Variants in NAPA observed in about 807,000 individuals in gnomAD.
The protein encoded by NAPA is alpha-soluble NSF attachment protein.
In NAPA, 18 loss-of-function variants were observed where a neutral mutation model predicts 48.0. That is an observed-to-expected ratio of 0.38 (90% CI 0.26 to 0.56). The LOEUF (loss-of-function observed/expected upper bound fraction) is 0.56, where lower values mean the gene tolerates loss of function less well. NAPA is among the 20% of genes least tolerant of loss of function. NAPA has a pLI of 0.77. For synonymous variants in NAPA, 152 were observed against 149.9 expected, an observed-to-expected ratio of 1.01 and a Z score of -0.10; for missense variants, 315 against 385.0, an observed-to-expected ratio of 0.82 and a Z score of 1.52.
chr19:47,487,802 C>T lies in NAPA; in HGVS notation c.*486G>A, dbSNP rs2122715161. On this transcript the variant is annotated 3_prime_UTR_variant, in exon 11 of 11. Coordinates refer to ENST00000263354, the MANE Select transcript of NAPA (RefSeq NM_003827.4). ...CCTGAGAGGTCGGGGCTGCAGGAAGCTGGGGGAGGCTCCCGGGGCTGGGGG... is the reference window on the plus strand; with the variant it reads ...CCTGAGAGGTCGGGGCTGCAGGAAGTTGGGGGAGGCTCCCGGGGCTGGGGG... 1 of 151,212 alleles carries T rather than the reference C, an allele frequency of 6.6e-6. No homozygotes were observed. Among genetic ancestry groups the T allele is most frequent in the Admixed American group, 6.6e-5 (1 of 15,154 alleles). The allele number at this position is 151,212 out of a possible 1,614,324, so 9.4% of individuals were successfully genotyped here.
chr19:47,488,538 AG>A (rs1968144191), intron 10 of NAPA, 149 bp from the exon 11 acceptor site: 1 of 550,280 alleles, frequency 1.8e-6, no homozygotes, highest in African/African-American at 1.9e-5. Flanking sequence ...GCCCCAACTC[AG>A]CCATGGGAGC....
At chr19:47,508,553 T>G (rs1319339183) in intron 1 of NAPA, among the ~76,000 whole-genome samples, 1 of 152,210 alleles carries the variant, frequency 6.6e-6, no homozygotes, top group Non-Finnish European at 1.5e-5. Flanking sequence ...GTGACATGCC[T>G]GTCTGGGCAA....
chr19:47,512,730 T>G lies in NAPA; in HGVS notation c.98+2113A>C, dbSNP rs1192021690. On this transcript the variant is annotated intron_variant, in intron 1 of 10. Transcript: ENST00000263354. ...TTTTTCACCTAATCAATCCAGTCCA[T>G]CAGCCCCGGATGTTTCTCCACACCA... The G allele has an allele frequency of 2.0e-5, 3 of 152,394 alleles. No individual in the cohort carries two copies. The East Asian group carries it at 5.8e-4, about 29-fold the overall frequency. The allele number at this position is 152,394 out of a possible 1,614,324, so 9.4% of individuals were successfully genotyped here. A position where few individuals can be genotyped will look rare whatever the true frequency, so the allele number is the denominator to read the frequency against.
chr19:47,493,222 A>G lies in NAPA; in HGVS notation c.421-48T>C, dbSNP rs1346263995. 2.6e-6 allele frequency: 4 copies of G among 1,548,974 alleles called. No individual in the cohort carries two copies. In the Admixed American group the frequency reaches 7.1e-5, roughly 27 times the overall value. Reference sequence around the variant, plus strand: ...TTCCAGGGGAGGGCAGGGAAGGGAGAGGAGGCCTCCGTGAAGCTTCCACAC... The same window carrying G: ...TTCCAGGGGAGGGCAGGGAAGGGAGGGGAGGCCTCCGTGAAGCTTCCACAC... On this transcript the variant is annotated intron_variant, in intron 5 of 10. Coordinates refer to ENST00000263354, the MANE Select transcript of NAPA (RefSeq NM_003827.4). The surrounding 1 kb of genome is among the most constrained non-coding windows in gnomAD (Gnocchi z 6.4).
intron 3 of NAPA, among the ~76,000 whole-genome samples, chr19:47,498,023 A>G (rs1199952170): frequency 6.6e-6 from 1 of 152,172 alleles, no homozygotes; most frequent in East Asian, 1.9e-4. Flanking sequence ...AATAACACAT[A>G]TGAGCATCAC....
At chr19:47,484,806 G>T (rs1182302941), downstream of NAPA, among the ~76,000 whole-genome samples, 1 of 150,296 alleles carries the variant, frequency 6.7e-6, no homozygotes, top group Non-Finnish European at 1.5e-5. Flanking sequence ...CTGGGTTCAA[G>T]CGATTCTCCT....
chr19:47,509,144 A>G (rs1280113389), intron 1 of NAPA, among the ~76,000 whole-genome samples: 9 of 152,132 alleles, frequency 5.9e-5, no homozygotes, highest in Admixed American at 5.9e-4. Flanking sequence ...TGTGAGGATT[A>G]GAAATGACAC....
chr19:47,500,350 C>T (rs994744309), intron 3 of NAPA, among the ~76,000 whole-genome samples: 2 of 152,206 alleles, frequency 1.3e-5, no homozygotes, highest in Non-Finnish European at 2.9e-5. Flanking sequence ...AATGGAACTC[C>T]CACTCCCAAA....
At position 47,495,586 on chromosome 19, in the gene NAPA, G is replaced by C; in HGVS notation, c.306C>G (p.Asn102Lys). The stretch of plus-strand genomic sequence containing the variant: ...AGATCTCGATTGCTCGCATCAAACA[G>C]TTAATGGCCTCTGGAGAGAAAGGGA... ...FKKADPQEAINCLMRAIEIYT... is the reference protein window; with the variant it reads ...FKKADPQEAIKCLMRAIEIYT... Residue 102 changes from asparagine to lysine, a missense_variant, in exon 4 of 11, where the codon AAC becomes AAG. Physicochemically the swap from Asn to Lys is moderately conservative, Grantham distance 94 (BLOSUM62 0). Transcript: ENST00000263354. 1 of 1,370,074 alleles carries C rather than the reference G, an allele frequency of 7.3e-7. No individual in the cohort carries two copies. Among genetic ancestry groups the C allele is most frequent in the South Asian group, 1.9e-5 (1 of 51,318 alleles). 84.9% of individuals were successfully genotyped at this position (1,370,074 alleles called of 1,614,324 possible).
At chr19:47,514,601 G>C (rs1298293233) in intron 1 of NAPA, among the ~76,000 whole-genome samples, 1 of 152,106 alleles carries the variant, frequency 6.6e-6, no homozygotes, top group Non-Finnish European at 1.5e-5. Flanking sequence ...CTCGGTCCGT[G>C]TGTCCTCAGC....
At chr19:47,500,442 G>A (rs567035866) in intron 3 of NAPA, among the ~76,000 whole-genome samples, 191 bp downstream of exon 3, 112 of 152,300 alleles carry the variant, frequency 7.4e-4, no homozygotes, top group African/African-American at 2.4e-3. Context: ...TGAGCAGGGC[G>A]CGAATGCCAA....
downstream of NAPA, among the ~76,000 whole-genome samples, chr19:47,485,099 C>T (rs1028437964): frequency 6.6e-5 from 10 of 152,150 alleles, no homozygotes; most frequent in Non-Finnish European, 1.5e-4. Context: ...CCTCCTTTAT[C>T]GAACACCTAC....
At chr19:47,502,168 G>C (rs1297456561) in intron 2 of NAPA, among the ~76,000 whole-genome samples, 1 of 150,018 alleles carries the variant, frequency 6.7e-6, no homozygotes, top group Non-Finnish European at 1.5e-5. Context: ...TTGAACCAGG[G>C]AGGCGGAGGT....
chr19:47,488,301 TC>T lies in NAPA; in HGVS notation c.874del (p.Glu292ArgfsTer81). 1 of 1,613,038 alleles carries T rather than the reference TC, an allele frequency of 6.2e-7. No individual in the cohort carries two copies. Among genetic ancestry groups the T allele is most frequent in the Non-Finnish European group, 8.5e-7 (1 of 1,179,342 alleles). On this transcript the variant is annotated frameshift_variant, in exon 11 of 11. Coordinates refer to ENST00000263354, the MANE Select transcript of NAPA (RefSeq NM_003827.4). LOFTEE classifies it high-confidence loss of function. ...RIKKTIQGDEEDLR is the reference protein window; with the variant it reads ...RIKKTIQGDEXDLR ...GCTGGGTGGGGCTTAGCGCAGGTCC[TC>T]CTCATCGCCCTGGATGGTCTTCTTG...
At chr19:47,502,615 C>T (rs1364672903) in intron 2 of NAPA, among the ~76,000 whole-genome samples, 1 of 152,198 alleles carries the variant, frequency 6.6e-6, no homozygotes, top group East Asian at 1.9e-4. Flanking sequence ...AAGTTCCTCC[C>T]TGCATTCAAA....
rs114963766 is a variant in NAPA, at chr19:47,488,021, T to C, written c.*267A>G. 8.8e-3 allele frequency: 3,297 copies of C among 373,790 alleles called. 103 individuals are homozygous for C. The highest frequency in any genetic ancestry group is 0.062 in the African/African-American group (2,978 of 48,366). The allele number at this position is 373,790 out of a possible 1,614,324, so 23.2% of individuals were successfully genotyped here. A position where few individuals can be genotyped will look rare whatever the true frequency, so the allele number is the denominator to read the frequency against. On this transcript the variant is annotated 3_prime_UTR_variant, in exon 11 of 11. Coordinates refer to ENST00000263354, the MANE Select transcript of NAPA (RefSeq NM_003827.4). ...AAATAGGTCTGTATCAAAGATTCTG[T>C]ACAGCTGGTTTTGGGGGTGAAGGGC...
chr19:47,508,966 C>T (rs752015710), intron 1 of NAPA, among the ~76,000 whole-genome samples: 1 of 152,018 alleles, frequency 6.6e-6, no homozygotes, highest in Non-Finnish European at 1.5e-5. Flanking sequence ...GTCCCAGCTA[C>T]TTGGGAAGCT....
chr19:47,504,793 G>C (rs1481096418), intron 1 of NAPA, among the ~76,000 whole-genome samples: 6 of 151,992 alleles, frequency 3.9e-5, no homozygotes, highest in Admixed American at 3.9e-4. Flanking sequence ...CTGTGGTCCA[G>C]CAATGAATTA....
intron 9 of NAPA, 21 bp downstream of exon 9, chr19:47,490,767 G>A (rs1245970310): frequency 6.2e-7 from 1 of 1,611,162 alleles, no homozygotes; most frequent in South Asian, 1.1e-5. Context: ...GAAGGGGGAG[G>A]CCGGAGCACC....
Sources: allele counts gnomAD v4.1 joint callset (sites outside exome capture counted in the v4.1 genomes callset), GRCh38; gene constraint gnomAD v4.1.1; non-coding constraint Gnocchi (gnomAD v3.1); transcripts MANE v1.5; gene names NCBI Gene and HGNC (gene_info 2026-07-23, HGNC 2026-07-21).